The following TRAK1 variants were observed in gnomAD, a reference collection of about 807,000 sequenced individuals.
The protein encoded by TRAK1 is trafficking kinesin-binding protein 1.
In TRAK1, 33 loss-of-function variants were observed where a neutral mutation model predicts 92.1. The ratio of observed to expected loss-of-function variants is 0.36; its 90% confidence interval spans 0.27 to 0.48. The LOEUF (loss-of-function observed/expected upper bound fraction) is 0.48. TRAK1 is among the 20% of genes least tolerant of loss of function. The pLI, the probability that TRAK1 is intolerant of heterozygous loss-of-function variation, is 0.99. For missense variants in TRAK1, 1,123 were observed against 1,257.9 expected, an observed-to-expected ratio of 0.89 and a Z score of 1.62; for synonymous variants, 521 against 517.3, an observed-to-expected ratio of 1.01 and a Z score of -0.10.
intron 14 of TRAK1, among the ~76,000 whole-genome samples, chr3:42,216,727 G>A (rs928556776): frequency 2.6e-5 from 4 of 152,064 alleles, no homozygotes; most frequent in African/African-American, 9.7e-5. Flanking sequence ...AAAGAATTAG[G>A]GGTTTTTATT....
chr3:42,203,793 A>G, intron 13 of TRAK1: 3 of 916,574 alleles, frequency 3.3e-6, no homozygotes, highest in Non-Finnish European at 3.9e-6. Flanking sequence ...AATACCACAT[A>G]TATATTGTTT....
rs1317550852 is a variant in TRAK1, at chr3:42,091,415, C to T, written c.-55C>T. On this transcript the variant is annotated 5_prime_UTR_variant, in exon 1 of 16. Coordinates refer to ENST00000327628, the MANE Select transcript of TRAK1 (RefSeq NM_001042646.3). The stretch of plus-strand genomic sequence containing the variant: ...TGTGCGAGGTACTGCCGGGGCTGAG[C>T]TCTCATGGAGGCTCTCTCTGTTCTC... 2 of 1,547,158 alleles carry T rather than the reference C, an allele frequency of 1.3e-6. No homozygotes were observed. The highest frequency in any genetic ancestry group is 1.8e-6 in the Non-Finnish European group (2 of 1,127,486).
intron 1 of TRAK1, among the ~76,000 whole-genome samples, chr3:42,120,543 T>TTTTTG (rs1709713526): frequency 6.6e-6 from 1 of 151,646 alleles, no homozygotes; most frequent in South Asian, 2.1e-4. Flanking sequence ...CCTGTGCTTT[T>TTTTTG]TTTTGTTTTG....
intron 2 of TRAK1, among the ~76,000 whole-genome samples, chr3:42,136,719 G>C (rs1698008502): frequency 6.6e-6 from 1 of 152,036 alleles, no homozygotes; most frequent in Non-Finnish European, 1.5e-5. Context: ...GTCTGGCTCT[G>C]TTGCCCAGGC....
chr3:42,050,698 C>T lies in TRAK1; in HGVS notation c.-518-36406C>T, dbSNP rs188396168. Among the ~76,000 whole-genome samples the T allele has an allele frequency of 3.4e-3, 516 of 152,034 alleles. 2 individuals are homozygous for T. The highest frequency in any genetic ancestry group is 0.024 in the Middle Eastern group (7 of 294). Reference sequence around the variant, plus strand: ...TTTGAGATGGAGTCTTGCTCTATTGCCCAGGTTGGAGTACAGTAGTGCTAT... The same window carrying T: ...TTTGAGATGGAGTCTTGCTCTATTGTCCAGGTTGGAGTACAGTAGTGCTAT... On this transcript the variant is annotated intron_variant, in intron 1 of 16. Transcript: ENST00000487159.
intron 14 of TRAK1, among the ~76,000 whole-genome samples, chr3:42,213,149 C>T (rs762297328): frequency 6.6e-6 from 1 of 151,482 alleles, no homozygotes; most frequent in Non-Finnish European, 1.5e-5. Flanking sequence ...ACTTCCACCT[C>T]CCGGTTCAAG....
intron 1 of TRAK1, among the ~76,000 whole-genome samples, chr3:42,070,272 GAAT>G (rs1199434996): frequency 2.0e-5 from 3 of 146,706 alleles, no homozygotes; most frequent in Non-Finnish European, 4.5e-5. Context: ...TAATAATTAT[GAAT>G]AATAATTATA....
At chr3:42,112,878 C>G (rs1708641638) in intron 1 of TRAK1, among the ~76,000 whole-genome samples, 1 of 152,088 alleles carries the variant, frequency 6.6e-6, no homozygotes, top group African/African-American at 2.4e-5. Context: ...TCAAGGGATC[C>G]TCTTGTCTCA....
In TRAK1 at chr3:42,170,858, C is replaced by T. The variant is rs540170361; in HGVS notation, c.287-5956C>T. 1.3e-4 allele frequency among the ~76,000 whole-genome samples: 20 copies of T among 148,986 alleles called. No homozygotes were observed. In the South Asian group the frequency reaches 3.8e-3, roughly 28 times the overall value. On this transcript the variant is annotated intron_variant, in intron 2 of 15. Coordinates refer to ENST00000327628, the MANE Select transcript of TRAK1 (RefSeq NM_001042646.3). ...TTTTTTTTTGAGACAGAGTCTTGCT[C>T]TGTCGCCCAGGCTGGAGTGCAGTGG...
chr3:42,198,791 G>A (rs1172678196), intron 10 of TRAK1, among the ~76,000 whole-genome samples: 2 of 152,224 alleles, frequency 1.3e-5, no homozygotes, highest in South Asian at 4.2e-4. Flanking sequence ...TGTAAGCTCA[G>A]AGGTATTTGG....
At chr3:42,033,708 A>G (rs953351555) in intron 1 of TRAK1, among the ~76,000 whole-genome samples, 2 of 152,196 alleles carry the variant, frequency 1.3e-5, no homozygotes, top group South Asian at 2.1e-4. Flanking sequence ...GGCAATATAT[A>G]TAAAGTTCTG....
chr3:42,182,302 T>C (rs1242028779), intron 3 of TRAK1, among the ~76,000 whole-genome samples: 4 of 18,690 alleles, frequency 2.1e-4, no homozygotes, highest in Admixed American at 8.4e-4. Flanking sequence ...ACTCTCTCTT[T>C]TTTTTTTTTT....
chr3:42,172,716 G>T (rs145689338), intron 2 of TRAK1, among the ~76,000 whole-genome samples: 2 of 152,306 alleles, frequency 1.3e-5, no homozygotes, highest in South Asian at 2.1e-4. Flanking sequence ...GCCTTGTTCA[G>T]TGCAGAGCTT....
chr3:42,071,242 C>T (rs887287934), intron 1 of TRAK1, among the ~76,000 whole-genome samples: 4 of 152,244 alleles, frequency 2.6e-5, no homozygotes, highest in Non-Finnish European at 4.4e-5. Context: ...TTCTCTTCCT[C>T]TCCTACCCAT....
chr3:42,163,625 A>C (rs954354374), intron 2 of TRAK1, among the ~76,000 whole-genome samples: 1 of 151,954 alleles, frequency 6.6e-6, no homozygotes, highest in Non-Finnish European at 1.5e-5. Flanking sequence ...GACCTACTGA[A>C]TCAGAAACTG....
At chr3:42,184,899 A>T (rs958958061) in intron 4 of TRAK1, 98 bp downstream of exon 4, 1 of 1,210,180 alleles carries the variant, frequency 8.3e-7, no homozygotes, top group African/African-American at 1.5e-5. Context: ...TCCTAGTTGG[A>T]AGGACGCTCC....
At chr3:42,030,755 C>G (rs540314891) in intron 1 of TRAK1, among the ~76,000 whole-genome samples, 4 of 133,900 alleles carry the variant, frequency 3.0e-5, no homozygotes, top group African/African-American at 9.3e-5. Context: ...ACTTGTTGGT[C>G]AGGCAGTTAG....
intron 1 of TRAK1, among the ~76,000 whole-genome samples, chr3:42,036,196 T>C (rs1702320118): frequency 6.6e-6 from 1 of 152,194 alleles, no homozygotes; most frequent in African/African-American, 2.4e-5. Context: ...TGTCTGTGTG[T>C]TACAGGGGCC....
chr3:42,215,906 T>C (rs922941772), intron 14 of TRAK1, among the ~76,000 whole-genome samples: 1 of 152,210 alleles, frequency 6.6e-6, no homozygotes, highest in African/African-American at 2.4e-5. Context: ...GGTTGCATTT[T>C]CCAATGTCTC....
Sources: gnomAD v4.1 joint callset for allele counts (sites outside exome capture counted in the v4.1 genomes callset) on GRCh38, gnomAD v4.1.1 for gene constraint, MANE v1.5 for transcripts, NCBI Gene and HGNC (gene_info 2026-07-23, HGNC 2026-07-21) for gene names.